RBFOX1: variants seen among roughly 807,000 people sequenced by gnomAD.
RBFOX1 encodes the protein RNA binding protein fox-1 homolog 1.
RBFOX1 carries 8 observed loss-of-function variants against 57.7 expected under a neutral mutation model. The ratio of observed to expected loss-of-function variants is 0.14; its 90% CI spans 0.08 to 0.25. The LOEUF (loss-of-function observed/expected upper bound fraction) is 0.25, where lower values mean the gene tolerates loss of function less well. RBFOX1 is among the 10% of genes least tolerant of loss of function. The pLI is 1.00. For missense variants in RBFOX1, 611 were observed against 548.5 expected, an observed-to-expected ratio of 1.11 and a Z score of -1.14; for synonymous variants, 326 against 222.4, an observed-to-expected ratio of 1.47 and a Z score of -4.15.
chr16:5,893,623 G>A (rs950875981), intron 4 of RBFOX1, among the ~76,000 whole-genome samples: 4 of 152,052 alleles, frequency 2.6e-5, no homozygotes, highest in Non-Finnish European at 2.9e-5. Flanking sequence ...CCTGGCCAAC[G>A]TGGCAAAACC....
intron 2 of RBFOX1, among the ~76,000 whole-genome samples, chr16:6,454,646 T>C (rs2094715423): frequency 6.6e-6 from 1 of 152,108 alleles, no homozygotes; most frequent in Non-Finnish European, 1.5e-5. Flanking sequence ...AATATATACT[T>C]AAAACCAGCA....
intron 6 of RBFOX1, among the ~76,000 whole-genome samples, chr16:7,582,204 CA>C (rs1351727648): frequency 3.9e-5 from 6 of 152,144 alleles, no homozygotes; most frequent in African/African-American, 1.2e-4. Context: ...TCAAGATTTT[CA>C]AGCAACTGAC....
At chr16:7,601,858 T>C (rs1425199507) in intron 9 of RBFOX1, among the ~76,000 whole-genome samples, 1 of 152,166 alleles carries the variant, frequency 6.6e-6, no homozygotes, top group Non-Finnish European at 1.5e-5. Flanking sequence ...AATTTAAATT[T>C]TGGCAATAAA....
At chr16:5,989,383 G>T (rs2060347448) in intron 4 of RBFOX1, among the ~76,000 whole-genome samples, 2 of 151,984 alleles carry the variant, frequency 1.3e-5, no homozygotes, top group Admixed American at 6.6e-5. Context: ...AATTACAGGG[G>T]GTTTCCCTAT....
chr16:7,158,434 C>T (rs988528399), intron 4 of RBFOX1, among the ~76,000 whole-genome samples: 3 of 152,174 alleles, frequency 2.0e-5, no homozygotes, highest in African/African-American at 7.2e-5. Context: ...CTTATACAGA[C>T]ATTGATACCA....
At chr16:5,974,212 C>T (rs1483422947) in intron 4 of RBFOX1, among the ~76,000 whole-genome samples, 1 of 152,192 alleles carries the variant, frequency 6.6e-6, no homozygotes, top group Non-Finnish European at 1.5e-5. Flanking sequence ...CCCTCAACTG[C>T]TTCAGCTGTT....
At chr16:6,367,816 A>T (rs1009712234) in intron 2 of RBFOX1, among the ~76,000 whole-genome samples, 13 of 152,084 alleles carry the variant, frequency 8.5e-5, no homozygotes, top group African/African-American at 3.1e-4. Flanking sequence ...AAGAGTCAGA[A>T]AGACTCTGTT....
At position 6,671,396 on chromosome 16, in the gene RBFOX1, T is replaced by G. The variant is rs12596366; in HGVS notation, c.-16+16746T>G. ...AAGATATTTTGACCATGTCTAAAAT[T>G]TGCATGGAAAAGAGAAATATTCATG... On this transcript the variant is annotated intron_variant, in intron 3 of 15. Transcript: ENST00000550418. 1.3e-3 allele frequency among the ~76,000 whole-genome samples: 196 copies of G among 152,286 alleles called. 5 individuals carry two copies. In the East Asian group the frequency reaches 0.034, roughly 26 times the overall value.
chr16:5,602,497 T>A (rs2047398801), downstream of RBFOX1, among the ~76,000 whole-genome samples: 1 of 152,186 alleles, frequency 6.6e-6, no homozygotes, highest in South Asian at 2.1e-4. Context: ...TGAGGATTTA[T>A]GTTTATTGAC....
At chr16:5,326,623 G>C (rs895624953) in intron 1 of RBFOX1, among the ~76,000 whole-genome samples, 1 of 152,206 alleles carries the variant, frequency 6.6e-6, no homozygotes, top group Non-Finnish European at 1.5e-5. Context: ...CTAGATTTCA[G>C]AGGGCTGTGA....
chr16:6,876,628 AT>A (rs1010239234), intron 3 of RBFOX1, among the ~76,000 whole-genome samples: 17 of 150,072 alleles, frequency 1.1e-4, no homozygotes, highest in East Asian at 3.9e-4. Flanking sequence ...ACTTGTATCT[AT>A]TTTTTTTTTC....
chr16:6,566,752 C>A (rs367767662), intron 2 of RBFOX1, among the ~76,000 whole-genome samples: 5 of 152,134 alleles, frequency 3.3e-5, no homozygotes, highest in African/African-American at 1.2e-4. Context: ...GAAACAGGAT[C>A]TGTGTTTGAC....
chr16:6,897,938 C>G (rs872771), intron 3 of RBFOX1, among the ~76,000 whole-genome samples: 1,896 of 152,260 alleles, frequency 0.012, 36 homozygotes, highest in African/African-American at 0.043. Flanking sequence ...CCCTCTGTGT[C>G]TCACCAGGTC....
chr16:6,314,428 C>G (rs1318067883), intron 1 of RBFOX1, among the ~76,000 whole-genome samples: 4 of 152,138 alleles, frequency 2.6e-5, no homozygotes, highest in African/African-American at 9.7e-5. Flanking sequence ...AAAATTCAGG[C>G]CCACTGGAAG....
At chr16:7,288,622 C>T (rs533878429) in intron 4 of RBFOX1, among the ~76,000 whole-genome samples, 2 of 152,180 alleles carry the variant, frequency 1.3e-5, no homozygotes, top group Non-Finnish European at 2.9e-5. Context: ...GGGCAGATCA[C>T]TTGAGGTCAG....
chr16:7,382,453 T>G (rs997905109), intron 4 of RBFOX1, among the ~76,000 whole-genome samples: 6 of 152,244 alleles, frequency 3.9e-5, no homozygotes, highest in Non-Finnish European at 7.3e-5. Context: ...TATATGGCTT[T>G]AATTAAATGA....
intron 2 of RBFOX1, among the ~76,000 whole-genome samples, chr16:6,632,042 TAATGTTTGGAC>T (rs2098391305): frequency 6.6e-6 from 1 of 152,110 alleles, no homozygotes; most frequent in Non-Finnish European, 1.5e-5. Flanking sequence ...AATGTTTGGA[TAATGTTTGGAC>T]AATGTTTAGT....
At chr16:6,089,023 G>A (rs1721836313) in intron 1 of RBFOX1, among the ~76,000 whole-genome samples, 1 of 150,642 alleles carries the variant, frequency 6.6e-6, no homozygotes, top group Non-Finnish European at 1.5e-5. Flanking sequence ...TTGAACCCAG[G>A]AGGCGGAGGT....
At chr16:6,012,781 C>T (rs1454200072) in intron 4 of RBFOX1, among the ~76,000 whole-genome samples, 3 of 152,116 alleles carry the variant, frequency 2.0e-5, no homozygotes, top group African/African-American at 4.8e-5. Context: ...TCCTCAGGCT[C>T]ATTGCAAGGT....
Sources: allele counts gnomAD v4.1 joint callset (sites outside exome capture counted in the v4.1 genomes callset), GRCh38; gene constraint gnomAD v4.1.1; transcripts MANE v1.5; gene names NCBI Gene and HGNC (gene_info 2026-07-23, HGNC 2026-07-21).